Variants in ARHGEF3 observed in about 807,000 individuals in gnomAD.
ARHGEF3 encodes the protein Rho guanine nucleotide exchange factor 3, also known as 59.8 kDA protein.
ARHGEF3 carries 28 observed loss-of-function variants against 63.2 expected under a neutral mutation model. The observed-to-expected ratio is 0.44, with a 90% confidence interval of 0.33 to 0.61. ARHGEF3 has a LOEUF of 0.61. Among genes scored for constraint, ARHGEF3 ranks in the 20% least tolerant of loss-of-function variants. ARHGEF3 has a pLI of 0.03. For synonymous variants in ARHGEF3, 266 were observed against 254.2 expected (o/e 1.05, Z -0.44); for missense variants, 533 against 659.3 (o/e 0.81, Z 2.10).
intron 2 of ARHGEF3, among the ~76,000 whole-genome samples, chr3:56,985,675 G>A (rs534556383): frequency 6.6e-6 from 1 of 152,296 alleles, no homozygotes; most frequent in East Asian, 1.9e-4. Flanking sequence ...GGGTCCCTGG[G>A]AACAGCATAG....
chr3:56,894,969 T>C (rs552439375), intron 3 of ARHGEF3, among the ~76,000 whole-genome samples: 32 of 152,314 alleles, frequency 2.1e-4, no homozygotes, highest in African/African-American at 7.7e-4. Flanking sequence ...TGCAGCCCAT[T>C]TGTGGCTCAC....
chr3:56,866,038 A>T (rs2040238751), intron 4 of ARHGEF3, among the ~76,000 whole-genome samples: 1 of 151,932 alleles, frequency 6.6e-6, no homozygotes, highest in African/African-American at 2.4e-5. Flanking sequence ...GGTGGCCTGC[A>T]CCTGTGGTCC....
At chr3:56,765,317 G>A (rs1366548951) in intron 2 of ARHGEF3, among the ~76,000 whole-genome samples, 1 of 152,082 alleles carries the variant, frequency 6.6e-6, no homozygotes, top group Non-Finnish European at 1.5e-5. Flanking sequence ...GATAAGGAAG[G>A]GGCTTTACTG....
intron 2 of ARHGEF3, 64 bp downstream of exon 2, chr3:56,773,645 T>C: frequency 7.3e-7 from 1 of 1,364,930 alleles, no homozygotes; most frequent in Middle Eastern, 1.9e-4. Context: ...CTAGGTAGGA[T>C]GGGGATGTTC....
chr3:56,884,832 T>C (rs139779785), intron 3 of ARHGEF3, among the ~76,000 whole-genome samples: 3 of 152,342 alleles, frequency 2.0e-5, no homozygotes, highest in Non-Finnish European at 4.4e-5. Context: ...TATATTTATA[T>C]GGTGACTTTT....
intron 2 of ARHGEF3, among the ~76,000 whole-genome samples, chr3:57,007,706 G>A (rs910286152): frequency 2.0e-5 from 3 of 152,142 alleles, no homozygotes; most frequent in Admixed American, 6.5e-5. Context: ...ACTGCTCCTG[G>A]ATCCTGATCA....
chr3:56,939,978 G>C (rs1262262042), intron 3 of ARHGEF3: 2 of 152,208 alleles, frequency 1.3e-5, no homozygotes, highest in Non-Finnish European at 2.9e-5. Flanking sequence ...ATTGGTCCAA[G>C]AGTATCCACT....
At chr3:56,795,645 G>GTCTC (rs202134906) in intron 1 of ARHGEF3, among the ~76,000 whole-genome samples, 8 of 92,968 alleles carry the variant, frequency 8.6e-5, no homozygotes, top group Non-Finnish European at 1.4e-4. Flanking sequence ...TTGTGACACA[G>GTCTC]TCTCTCTCTC....
At position 56,964,350 on chromosome 3, in the gene ARHGEF3, C is replaced by CAA. The variant is rs11347724; in HGVS notation, c.63-5463_63-5462dup. Reference sequence around the variant, plus strand: ...CCTGGGTGAAAGAGCAAGACTGTCTCAAAAAAAAAAAAAAAAAAAAAATCA... The same window carrying CAA: ...CCTGGGTGAAAGAGCAAGACTGTCTCAAAAAAAAAAAAAAAAAAAAAAAATCA... On this transcript the variant is annotated intron_variant, in intron 2 of 12. Transcript: ENST00000338458. Among the ~76,000 whole-genome samples the CAA allele has an allele frequency of 1.8e-3, 177 of 101,090 alleles. 2 individuals are homozygous for CAA. The highest frequency in any genetic ancestry group is 5.7e-3 in the African/African-American group (144 of 25,444). The allele number at this position is 101,090 out of a possible 152,430, so 66.3% of individuals were successfully genotyped here.
chr3:56,747,409 C>A (rs1271408786), intron 6 of ARHGEF3, among the ~76,000 whole-genome samples: 1 of 152,188 alleles, frequency 6.6e-6, no homozygotes, highest in Non-Finnish European at 1.5e-5. Flanking sequence ...TGGGCATGAC[C>A]TGAAAGGCTA....
At chr3:57,016,889 A>G (rs766213726) in intron 2 of ARHGEF3, among the ~76,000 whole-genome samples, 15 of 152,210 alleles carry the variant, frequency 9.9e-5, no homozygotes, top group Middle Eastern at 3.4e-3. Flanking sequence ...CTTGCCCATC[A>G]GCTGGTGGGA....
intron 4 of ARHGEF3, among the ~76,000 whole-genome samples, chr3:56,876,717 C>T (rs1054298345): frequency 3.9e-5 from 6 of 152,132 alleles, no homozygotes; most frequent in Non-Finnish European, 5.9e-5. Context: ...GAATCCCAAT[C>T]CTATCCCACT....
chr3:56,770,722 G>C (rs975546890), intron 2 of ARHGEF3, among the ~76,000 whole-genome samples: 1 of 152,012 alleles, frequency 6.6e-6, no homozygotes, highest in Non-Finnish European at 1.5e-5. Context: ...TAAGCACATC[G>C]CTCAATTCTC....
intron 3 of ARHGEF3, among the ~76,000 whole-genome samples, chr3:56,906,975 A>ATTTTTTTTTTT (rs368006965): frequency 1.4e-5 from 1 of 72,368 alleles, no homozygotes; most frequent in Non-Finnish European, 2.6e-5. Flanking sequence ...CTCACATTCT[A>ATTTTTTTTTTT]TTTTTTTTTT....
chr3:56,744,460 G>A (rs186821838), intron 7 of ARHGEF3, among the ~76,000 whole-genome samples: 39 of 148,934 alleles, frequency 2.6e-4, no homozygotes, highest in East Asian at 7.9e-4. Flanking sequence ...TTGCAGTGGC[G>A]TGATCTCAGC....
At chr3:56,998,509 G>A (rs1253008797) in intron 2 of ARHGEF3, among the ~76,000 whole-genome samples, 1 of 151,458 alleles carries the variant, frequency 6.6e-6, no homozygotes, top group East Asian at 1.9e-4. Flanking sequence ...CACAATGACT[G>A]AGTCCAGAAA....
intron 2 of ARHGEF3, among the ~76,000 whole-genome samples, chr3:56,982,349 A>G (rs79911815): frequency 1.4e-3 from 212 of 152,298 alleles, no homozygotes; most frequent in African/African-American, 5.0e-3. Flanking sequence ...TTCATTAAAG[A>G]AAGCATCAAA....
At chr3:57,017,032 T>TCTCACACACACA (rs1221332567) in intron 2 of ARHGEF3, among the ~76,000 whole-genome samples, 32 of 104,392 alleles carry the variant, frequency 3.1e-4, no homozygotes, top group East Asian at 5.5e-4. Context: ...TCTCTCTCTC[T>TCTCACACACACA]CACACACACA....
At chr3:56,808,185 T>G (rs2037934447) in intron 4 of ARHGEF3, among the ~76,000 whole-genome samples, 1 of 152,124 alleles carries the variant, frequency 6.6e-6, no homozygotes, top group Non-Finnish European at 1.5e-5. Context: ...TTCTTGCATT[T>G]TCTTTAAGGT....
Sources: allele counts gnomAD v4.1 joint callset (sites outside exome capture counted in the v4.1 genomes callset), GRCh38; gene constraint gnomAD v4.1.1; transcripts MANE v1.5; gene names NCBI Gene and HGNC (gene_info 2026-07-23, HGNC 2026-07-21).